The following ARHGAP9 variants were observed in gnomAD, a reference collection of about 807,000 sequenced individuals.
ARHGAP9 encodes the protein rho GTPase-activating protein 9.
ARHGAP9 carries 76 observed loss-of-function variants against 87.3 expected under a neutral mutation model. The observed-to-expected ratio is 0.87, with a 90% CI of 0.72 to 1.05. The LOEUF (loss-of-function observed/expected upper bound fraction) is 1.05, where lower values mean the gene tolerates loss of function less well. ARHGAP9 is among the 50% of genes least tolerant of loss of function. The probability of loss-of-function intolerance (pLI) is 0.00; values close to 1 mark genes in which losing one functional copy is unlikely to be tolerated. For missense variants in ARHGAP9, 941 were observed against 960.5 expected, an observed-to-expected ratio of 0.98 and a Z score of 0.27; for synonymous variants, 382 against 394.9, an observed-to-expected ratio of 0.97 and a Z score of 0.39.
upstream of ARHGAP9, among the ~76,000 whole-genome samples, chr12:57,481,748 T>C (rs1342587460): frequency 2.0e-5 from 3 of 152,192 alleles, no homozygotes; most frequent in African/African-American, 7.2e-5. Flanking sequence ...ACAATTGACC[T>C]TTCTCTCCTA....
Position 57,479,187 on chromosome 12 carries a change from G to GA in ARHGAP9, c.219dup (p.Arg74SerfsTer55). ...TAGGCTGCTGGGACGAAGATGGGTC[G>GA]AGAGGTGGAGGGAGCTTCTAGGCGT... On this transcript the variant is annotated frameshift_variant, in exon 2 of 18. Transcript: ENST00000393791. LOFTEE classifies it high-confidence loss of function. The GA allele has an allele frequency of 6.2e-7, 1 of 1,614,200 alleles. No individual in the cohort carries two copies. Among genetic ancestry groups the GA allele is most frequent in the South Asian group, 1.1e-5 (1 of 91,090 alleles).
intron 1 of ARHGAP9, chr12:57,488,403 T>C: frequency 1.4e-6 from 1 of 733,886 alleles, no homozygotes; most frequent in Non-Finnish European, 2.2e-6. Flanking sequence ...ATAATACCCT[T>C]CCCTTATCTC....
Position 57,479,731 on chromosome 12 carries a change from T to C in ARHGAP9, c.-20A>G, listed in dbSNP as rs1350803019. On this transcript the variant is annotated splice_region_variant and 5_prime_UTR_variant, in exon 1 of 18. Transcript: ENST00000393791. ...GGCCAGTAGTTTTCCTCCAAGTACC[T>C]TGTGGGGCCCATCAGAAGATTCAGG... The C allele has an allele frequency of 1.9e-6, 3 of 1,550,742 alleles. No individual in the cohort carries two copies. Among genetic ancestry groups the C allele is most frequent in the Non-Finnish European group, 2.6e-6 (3 of 1,146,984 alleles).
At chr12:57,475,252 G>A (rs1462047695) in intron 12 of ARHGAP9, 39 bp downstream of exon 12, 1 of 1,538,768 alleles carries the variant, frequency 6.5e-7, no homozygotes, top group African/African-American at 1.4e-5. Flanking sequence ...GAGCCTCGCT[G>A]GAGTTTTCTT....
At chr12:57,485,232 C>A (rs1019483883) in intron 1 of ARHGAP9, among the ~76,000 whole-genome samples, 3 of 151,638 alleles carry the variant, frequency 2.0e-5, no homozygotes, top group Non-Finnish European at 4.4e-5. Flanking sequence ...CAGGCATGAA[C>A]CACCACGCCC....
intron 10 of ARHGAP9, 52 bp downstream of exon 10, chr12:57,475,781 T>G (rs772277218): frequency 6.3e-7 from 1 of 1,596,830 alleles, no homozygotes; most frequent in Non-Finnish European, 8.5e-7. Flanking sequence ...CCTACCCCAC[T>G]CCCTTGGTCC....
At chr12:57,480,186 C>CTT (rs35848143), upstream of ARHGAP9, 22,706 of 661,314 alleles carry the variant, frequency 0.034, no homozygotes, top group Non-Finnish European at 0.04. Context: ...TTCATTCATG[C>CTT]TTTTTTTTTT....
chr12:57,477,620 G>T lies in ARHGAP9; in HGVS notation c.595C>A (p.Arg199Ser), dbSNP rs549709934. Residue 199 changes from arginine to serine, a missense_variant, in exon 4 of 18, where the codon CGC (arginine) becomes AGC (serine). By Grantham distance (110) the Arg-to-Ser change is moderately radical. Coordinates refer to ENST00000393791, the MANE Select transcript of ARHGAP9 (RefSeq NM_032496.4). ...PVYCNLVDLR[R>S]CPRSPPPGPA... ...CCTGGGGGTGGGGACCGAGGACAGC[G>T]GCGAAGGTCCACCAGGTTACAGTAC... 6.2e-7 allele frequency: 1 copy of T among 1,613,258 alleles called. No homozygotes were observed. Among genetic ancestry groups the T allele is most frequent in the East Asian group, 2.2e-5 (1 of 44,864 alleles).
In ARHGAP9 at chr12:57,476,840, C is replaced by A. The variant is rs751966003; in HGVS notation, c.963+31G>T. On this transcript the variant is annotated intron_variant, in intron 6 of 17. Transcript: ENST00000393791. ...AGGGGGGAGGGGGGGCAGGGAGGAT[C>A]TTGGCCTTCACAAAGAAATGGGAGA... 6.9e-6 allele frequency: 11 copies of A among 1,592,826 alleles called. No homozygotes were observed. The Admixed American group carries it at 1.8e-4, about 27-fold the overall frequency.
At chr12:57,482,977 T>C (rs1296088599), upstream of ARHGAP9, among the ~76,000 whole-genome samples, 1 of 151,326 alleles carries the variant, frequency 6.6e-6, no homozygotes, top group Non-Finnish European at 1.5e-5. Context: ...CAGGTGTCTG[T>C]ACTCCCAGCT....
At chr12:57,475,011 G>A in intron 12 of ARHGAP9, 38 bp from the exon 13 acceptor site, 1 of 1,587,660 alleles carries the variant, frequency 6.3e-7, no homozygotes, top group Non-Finnish European at 8.6e-7. Flanking sequence ...CAGTGCCAGC[G>A]TCACTCACAG....
chr12:57,476,035 G>T lies in ARHGAP9; in HGVS notation c.1212+36C>A, dbSNP rs539207752. ...GGGAGATTGGGGGCGCCCTCGGGTC[G>T]GGTGGGGCCTTGGGGACGCGCGGGA... On this transcript the variant is annotated intron_variant, in intron 9 of 17. Transcript: ENST00000393791. The T allele has an allele frequency of 2.7e-6, 4 of 1,507,826 alleles. No homozygotes were observed. In the East Asian group the frequency reaches 9.9e-5, roughly 37 times the overall value. 93.4% of individuals were successfully genotyped at this position (1,507,826 alleles called of 1,614,324 possible).
chr12:57,480,335 C>T (rs998260463), upstream of ARHGAP9, among the ~76,000 whole-genome samples: 4 of 152,140 alleles, frequency 2.6e-5, no homozygotes, highest in African/African-American at 9.7e-5. Context: ...GTGCCTGTCA[C>T]CACACCTGGC....
rs1227051795 is a variant in ARHGAP9, at chr12:57,474,930, T to C, written c.1596A>G (p.Glu532=). Residue 532 remains glutamate, a synonymous_variant, in exon 13 of 18, where the codon GAA becomes GAG. Transcript: ENST00000393791. ...GCAAAAAGCTGGGCACCGTGTCTCCTTCCCGCTGGCAGAGTGATTCCAACT... is the reference window on the plus strand; with the variant it reads ...GCAAAAAGCTGGGCACCGTGTCTCCCTCCCGCTGGCAGAGTGATTCCAACT... ...GCQLESLCQR[E]GDTVPSFLRL... 1.5e-5 allele frequency: 24 copies of C among 1,614,150 alleles called. No homozygotes were observed. The highest frequency in any genetic ancestry group is 1.9e-5 in the Non-Finnish European group (23 of 1,180,026).
intron 3 of ARHGAP9, 52 bp from the exon 4 acceptor site, chr12:57,477,732 C>A (rs1424602433): frequency 1.3e-6 from 2 of 1,596,848 alleles, no homozygotes; most frequent in South Asian, 2.2e-5. Context: ...TTGCCCTTCC[C>A]ATGCTTCTCT....
chr12:57,480,866 C>A, upstream of ARHGAP9: 2 of 1,539,732 alleles, frequency 1.3e-6, no homozygotes, highest in African/African-American at 1.4e-5. Context: ...GGTTAAGGAG[C>A]GAATGACCCT....
chr12:57,479,943 T>C, upstream of ARHGAP9: 1 of 1,416,250 alleles, frequency 7.1e-7, no homozygotes. Context: ...CCTCAGACCA[T>C]AGCTGCGTGC....
upstream of ARHGAP9, among the ~76,000 whole-genome samples, chr12:57,484,676 C>T (rs1875268070): frequency 6.6e-6 from 1 of 152,142 alleles, no homozygotes; most frequent in African/African-American, 2.4e-5. Context: ...GACAGAGTCT[C>T]GTTCTGTTGC....
At chr12:57,480,125 C>T (rs371535827), upstream of ARHGAP9, 91 of 985,144 alleles carry the variant, frequency 9.2e-5, 3 homozygotes, top group East Asian at 4.2e-3. Flanking sequence ...AGCCTTGATA[C>T]TGTCCTGTAC....
Sources: allele counts gnomAD v4.1 joint callset (sites outside exome capture counted in the v4.1 genomes callset), GRCh38; gene constraint gnomAD v4.1.1; transcripts MANE v1.5; gene names NCBI Gene and HGNC (gene_info 2026-07-23, HGNC 2026-07-21).